Variants in CREBRF observed in about 807,000 individuals in gnomAD.
The protein encoded by CREBRF is CREB3 regulatory factor.
Under a neutral mutation model 66.1 loss-of-function variants are expected in CREBRF, and 5 were observed. The observed-to-expected ratio is 0.08, with a 90% CI of 0.04 to 0.16. The LOEUF is 0.16. Among genes scored for constraint, CREBRF ranks in the 10% least tolerant of loss-of-function variants. The probability of loss-of-function intolerance (pLI) is 1.00; values close to 1 mark genes in which losing one functional copy is unlikely to be tolerated. For missense variants in CREBRF, 531 were observed against 744.9 expected, an observed-to-expected ratio of 0.71 and a Z score of 3.34; for synonymous variants, 229 against 264.4, an observed-to-expected ratio of 0.87 and a Z score of 1.30.
At chr5:173,062,320 A>C (rs1190842240) in intron 1 of CREBRF, among the ~76,000 whole-genome samples, 1 of 152,150 alleles carries the variant, frequency 6.6e-6, no homozygotes, top group African/African-American at 2.4e-5. Context: ...GATACCTTTT[A>C]GTGCTCTTGA....
At chr5:173,108,368 T>G (rs1320044216) in intron 4 of CREBRF, among the ~76,000 whole-genome samples, 1 of 152,152 alleles carries the variant, frequency 6.6e-6, no homozygotes, top group African/African-American at 2.4e-5. Context: ...TATACTAACT[T>G]ATAAAAACTA....
chr5:173,060,237 T>G (rs1440678266), intron 1 of CREBRF: 1 of 149,184 alleles, frequency 6.7e-6, no homozygotes, highest in Non-Finnish European at 1.5e-5. Flanking sequence ...ATATATGTTT[T>G]TTTTTTTTTT....
chr5:173,114,450 T>C (rs1202288791), intron 7 of CREBRF, among the ~76,000 whole-genome samples: 2 of 152,198 alleles, frequency 1.3e-5, no homozygotes, highest in South Asian at 2.1e-4. Flanking sequence ...GAACATAGGC[T>C]TACCAACTTT....
In CREBRF at chr5:173,090,439, A is replaced by G. The variant is rs1169546960; in HGVS notation, c.260A>G (p.Asn87Ser). The stretch of plus-strand genomic sequence containing the variant: ...GATAATGAGGGTGCTTTAACCTCAA[A>G]CTGGGAACAGTGGGATACATACTGT... ...VLDNEGALTS[N>S]WEQWDTYCED... The change falls in exon 4 of 9, where the codon AAC becomes AGC. Residue 87 changes from asparagine to serine, a missense_variant. Around this residue, in one of 5 missense-constraint regions of CREBRF, gnomAD observed 133 missense variants for 215.6 expected, o/e 0.62. Coordinates refer to ENST00000296953, the MANE Select transcript of CREBRF (RefSeq NM_153607.3). This position sits in a 1 kb window ranked among gnomAD's most constrained non-coding sequence, Gnocchi z 4.5. The G allele has an allele frequency of 6.2e-7, 1 of 1,614,102 alleles. No homozygotes were observed. The highest frequency in any genetic ancestry group is 1.7e-5 in the Admixed American group (1 of 60,010).
chr5:173,117,758 T>G (rs567721264), intron 7 of CREBRF, among the ~76,000 whole-genome samples: 88 of 149,800 alleles, frequency 5.9e-4, no homozygotes, highest in African/African-American at 2.1e-3. Context: ...TTGTCCAGGC[T>G]GGAGTCCAGT....
intron 1 of CREBRF, among the ~76,000 whole-genome samples, chr5:173,059,463 C>T (rs1267793538): frequency 6.6e-6 from 1 of 151,722 alleles, no homozygotes; most frequent in African/African-American, 2.4e-5. Context: ...GGGGTTTCAC[C>T]ATGTTGGCCA....
Position 173,123,148 on chromosome 5 carries a change from G to C in CREBRF, c.1750G>C (p.Glu584Gln). ...IVNRVQNPRD[E>Q]RGPNMGQKLE... ...AAACCGGGTACAGAATCCAAGAGAT[G>C]AGAGAGGACCCAACATGGGGCAGAA... The change falls in exon 8 of 9, where the codon GAG (glutamate) becomes CAG (glutamine). Residue 584 changes from glutamate to glutamine, a missense_variant. Physicochemically the swap from Glu to Gln is conservative, Grantham distance 29. This residue lies in a region of CREBRF where 64 missense variants were observed against 111.3 expected (regional missense o/e 0.58). Transcript: ENST00000296953. 6.2e-7 allele frequency: 1 copy of C among 1,605,478 alleles called. No individual in the cohort carries two copies. The highest frequency in any genetic ancestry group is 8.5e-7 in the Non-Finnish European group (1 of 1,177,818).
At chr5:173,100,397 C>T (rs1299125971) in intron 4 of CREBRF, among the ~76,000 whole-genome samples, 1 of 151,588 alleles carries the variant, frequency 6.6e-6, no homozygotes, top group South Asian at 2.1e-4. Context: ...CTTATTTTTA[C>T]ACAGTGAATT....
rs889389741 is a variant in CREBRF at position 173,136,531 on chromosome 5, C to G, written c.*2786C>G. On this transcript the variant is annotated 3_prime_UTR_variant, in exon 9 of 9. Transcript: ENST00000296953. ...AAATGTAGAGTGAAAGTTAAATCCT[C>G]TTGCTGTTTTAACTTTATCATAAAG... 6.6e-6 allele frequency: 1 copy of G among 152,478 alleles called. No individual in the cohort carries two copies. Among genetic ancestry groups the G allele is most frequent in the Non-Finnish European group, 1.5e-5 (1 of 67,942 alleles). 9.4% of individuals were successfully genotyped at this position (152,478 alleles called of 1,614,324 possible). A position where few individuals can be genotyped will look rare whatever the true frequency, so the allele number is the denominator to read the frequency against.
intron 4 of CREBRF, among the ~76,000 whole-genome samples, chr5:173,107,304 A>AT (rs758044078): frequency 1.9e-4 from 29 of 152,140 alleles, no homozygotes; most frequent in Non-Finnish European, 3.5e-4. Flanking sequence ...GATTGTGTAC[A>AT]TTCTTCGCAC....
At chr5:173,076,255 C>T (rs1757761670) in intron 1 of CREBRF, among the ~76,000 whole-genome samples, 1 of 152,104 alleles carries the variant, frequency 6.6e-6, no homozygotes, top group Admixed American at 6.6e-5. Context: ...GAGCCCACTC[C>T]TGTGTCCAGT....
In CREBRF at chr5:173,131,038, C is replaced by T. The variant is rs148876042; in HGVS notation, c.1805-2592C>T. On this transcript the variant is annotated intron_variant, in intron 8 of 8. Coordinates refer to ENST00000296953, the MANE Select transcript of CREBRF (RefSeq NM_153607.3). The stretch of plus-strand genomic sequence containing the variant: ...AAACTTATTTTTATGTTTGTAGAGA[C>T]GGGTTCTTGCTGTGTTGCCCAGGCT... 1.6e-4 allele frequency among the ~76,000 whole-genome samples: 25 copies of T among 152,244 alleles called. No homozygotes were observed. The South Asian group carries it at 2.1e-3, about 13-fold the overall frequency.
chr5:173,063,436 C>T (rs1039548911), intron 1 of CREBRF, among the ~76,000 whole-genome samples: 1 of 152,160 alleles, frequency 6.6e-6, no homozygotes, highest in Non-Finnish European at 1.5e-5. Context: ...GGCGCCATCT[C>T]GGCTCACTGC....
At chr5:173,105,137 TC>T (rs771524171) in intron 4 of CREBRF, among the ~76,000 whole-genome samples, 2 of 152,058 alleles carry the variant, frequency 1.3e-5, no homozygotes, top group Non-Finnish European at 2.9e-5. Context: ...TTGCCAGAGA[TC>T]CAGGCCCCTT....
chr5:173,114,507 C>A (rs1670014458), intron 7 of CREBRF, among the ~76,000 whole-genome samples: 1 of 152,122 alleles, frequency 6.6e-6, no homozygotes, highest in South Asian at 2.1e-4. Context: ...TCTACTATTA[C>A]TATAATTTCA....
intron 7 of CREBRF, among the ~76,000 whole-genome samples, chr5:173,121,960 G>C (rs149560514): frequency 6.6e-6 from 1 of 152,232 alleles, no homozygotes; most frequent in East Asian, 1.9e-4. Context: ...CAACTCCTGG[G>C]CTAAAGCCAT....
rs537328286 is a variant in CREBRF at position 173,087,282 on chromosome 5, C to T, written c.135+656C>T. 2.0e-5 allele frequency among the ~76,000 whole-genome samples: 3 copies of T among 152,168 alleles called. No individual in the cohort carries two copies. The South Asian group carries it at 6.2e-4, about 32-fold the overall frequency. On this transcript the variant is annotated intron_variant, in intron 3 of 8. Transcript: ENST00000296953. ...ATTTTTAGTGCAGACGGGGTTTCAC[C>T]ATGTCAGCCAGACAGGTCTTGAGCT... is the stretch of plus-strand genomic sequence containing the variant.
At chr5:173,098,219 G>A (rs1208591768) in intron 4 of CREBRF, among the ~76,000 whole-genome samples, 10 of 142,130 alleles carry the variant, frequency 7.0e-5, no homozygotes, top group African/African-American at 2.4e-4. Context: ...ATGGAGTCTC[G>A]CTCTGTCACC....
chr5:173,094,328 C>T (rs565722022), intron 4 of CREBRF, among the ~76,000 whole-genome samples: 8 of 152,198 alleles, frequency 5.3e-5, no homozygotes, highest in South Asian at 4.2e-4. Flanking sequence ...ATCATATGAT[C>T]GTTCTATTTT....
Sources: gnomAD v4.1 joint callset for allele counts (sites outside exome capture counted in the v4.1 genomes callset) on GRCh38, gnomAD v4.1.1 for gene constraint, gnomAD v4.1.1 regional missense constraint, Gnocchi (gnomAD v3.1) non-coding constraint, MANE v1.5 for transcripts, NCBI Gene and HGNC (gene_info 2026-07-23, HGNC 2026-07-21) for gene names.